PTBP2: variants seen among roughly 807,000 people sequenced by gnomAD.
PTBP2 encodes polypyrimidine tract-binding protein 2.
PTBP2 carries 13 observed loss-of-function variants against 61.4 expected under a neutral mutation model. The observed-to-expected ratio is 0.21, with a 90% CI of 0.14 to 0.34. PTBP2 has a LOEUF of 0.34. Ranked by LOEUF, PTBP2 falls within the 10% of genes least tolerant of loss-of-function variation. The pLI is 1.00. For missense variants in PTBP2, 405 were observed against 642.6 expected, an observed-to-expected ratio of 0.63 and a Z score of 4.00; for synonymous variants, 215 against 218.5, an observed-to-expected ratio of 0.98 and a Z score of 0.14.
intron 8 of PTBP2, 52 bp from the exon 9 acceptor site, chr1:96,804,748 T>C: frequency 6.5e-7 from 1 of 1,542,826 alleles, no homozygotes; most frequent in African/African-American, 1.4e-5. Context: ...AAACGACTTG[T>C]GTGTGTTTCG....
chr1:96,762,294 C>T (rs1033599324), intron 3 of PTBP2, among the ~76,000 whole-genome samples: 1 of 148,700 alleles, frequency 6.7e-6, no homozygotes, highest in African/African-American at 2.6e-5. Flanking sequence ...CCTCACTTCC[C>T]AGTAGGGGCG....
At chr1:96,798,547 A>G (rs1020135434) in intron 8 of PTBP2, among the ~76,000 whole-genome samples, 4 of 152,220 alleles carry the variant, frequency 2.6e-5, no homozygotes, top group Admixed American at 2.6e-4. Context: ...ATTACTTTGG[A>G]TGGAACTTTT....
rs1037203897 is a variant in PTBP2 at position 96,746,071 on chromosome 1, C to A, written c.40-5354C>A. ...ACAGACTGAGACTCCATCTCAAAAA[C>A]AAACAAAAAAAAACAACAACAAAAA... On this transcript the variant is annotated intron_variant, in intron 2 of 13. Transcript: ENST00000674951. Among the ~76,000 whole-genome samples the A allele has an allele frequency of 3.9e-4, 56 of 144,854 alleles. 1 individual carries two copies. Among genetic ancestry groups the A allele is most frequent in the South Asian group, 3.0e-3 (14 of 4,614 alleles).
intron 8 of PTBP2, among the ~76,000 whole-genome samples, chr1:96,791,834 T>TGTTTTTTG (rs71590211): frequency 7.8e-5 from 10 of 128,810 alleles, no homozygotes; most frequent in East Asian, 2.3e-4. Context: ...TGCTTTTTTT[T>TGTTTTTTG]TTTTTTTTTT....
chr1:96,783,904 A>G (rs1346318243), intron 7 of PTBP2, among the ~76,000 whole-genome samples: 1 of 152,048 alleles, frequency 6.6e-6, no homozygotes, highest in Non-Finnish European at 1.5e-5. Flanking sequence ...ACTCTCTTTC[A>G]GTTTTTACCA....
At chr1:96,778,961 A>G (rs1217556172) in intron 7 of PTBP2, among the ~76,000 whole-genome samples, 3 of 152,048 alleles carry the variant, frequency 2.0e-5, no homozygotes, top group African/African-American at 7.2e-5. Flanking sequence ...ATTTTTTCTG[A>G]CCACTACTCT....
At chr1:96,760,452 T>C in intron 3 of PTBP2, among the ~76,000 whole-genome samples, 1 of 142,672 alleles carries the variant, frequency 7.0e-6, no homozygotes, top group South Asian at 2.3e-4. Context: ...TTTTTTTTTT[T>C]TTTTTTTTTT....
rs572205829 is a variant in PTBP2 at position 96,764,332 on chromosome 1, A to T, written c.116-5371A>T. On this transcript the variant is annotated intron_variant, in intron 3 of 13. Coordinates refer to ENST00000674951, the MANE Select transcript of PTBP2 (RefSeq NM_021190.4). ...TAAAAGTGAAATATTTCAAAAATAC[A>T]ACTGTTCCTAAGTAGCATTAGAATT... 8.5e-5 allele frequency among the ~76,000 whole-genome samples: 13 copies of T among 152,332 alleles called. No homozygotes were observed. The East Asian group carries it at 2.5e-3, about 29-fold the overall frequency.
downstream of PTBP2, chr1:96,818,400 A>G (rs955535381): frequency 1.3e-5 from 2 of 152,000 alleles, no homozygotes; most frequent in East Asian, 3.8e-4. Flanking sequence ...CAGATCCCAG[A>G]TATATTTTAT....
intron 7 of PTBP2, among the ~76,000 whole-genome samples, chr1:96,780,110 C>T (rs769470041): frequency 2.0e-5 from 3 of 152,020 alleles, no homozygotes; most frequent in Non-Finnish European, 4.4e-5. Context: ...CTAATACTCA[C>T]ACTTGTCTTT....
At chr1:96,780,820 A>G (rs1301451553) in intron 7 of PTBP2, among the ~76,000 whole-genome samples, 12 of 152,050 alleles carry the variant, frequency 7.9e-5, no homozygotes, top group Admixed American at 4.6e-4. Context: ...AGTGTGTTCA[A>G]TCTAGCTCCT....
Position 96,739,194 on chromosome 1 carries a change from A to G in PTBP2, c.40-12231A>G, listed in dbSNP as rs189227029. On this transcript the variant is annotated intron_variant, in intron 2 of 13. Transcript: ENST00000674951. ...TTCCACATTTTAAGTATTTTATGAT[A>G]AAGTTATTAATATTGATAAAGTTAT... Among the ~76,000 whole-genome samples the G allele has an allele frequency of 4.9e-4, 75 of 152,222 alleles. 1 individual carries two copies. Among genetic ancestry groups the G allele is most frequent in the South Asian group, 4.1e-3 (20 of 4,828 alleles).
At chr1:96,748,662 T>G (rs1208558412) in intron 2 of PTBP2, among the ~76,000 whole-genome samples, 1 of 152,196 alleles carries the variant, frequency 6.6e-6, no homozygotes, top group African/African-American at 2.4e-5. Flanking sequence ...AATTAAAAAT[T>G]TTTTAAAGAG....
chr1:96,791,826 C>CTTTTTTTTGTTTTTTTTTTGTTTTTTT (rs1482989030), intron 8 of PTBP2, among the ~76,000 whole-genome samples: 9 of 66,126 alleles, frequency 1.4e-4, no homozygotes, highest in East Asian at 4.3e-4. Flanking sequence ...TGGAGTTGTG[C>CTTTTTTTTGTTTTTTTTTTGTTTTTTT]TTTTTTTTTT....
chr1:96,734,997 A>C (rs1651974725), intron 2 of PTBP2, among the ~76,000 whole-genome samples: 1 of 147,192 alleles, frequency 6.8e-6, no homozygotes, highest in African/African-American at 2.5e-5. Context: ...AGCTCAGTGC[A>C]ACCTCTGCCT....
intron 11 of PTBP2, among the ~76,000 whole-genome samples, chr1:96,807,590 C>T (rs997284188): frequency 2.0e-5 from 3 of 152,192 alleles, no homozygotes; most frequent in Non-Finnish European, 2.9e-5. Context: ...TCTTACATTT[C>T]TGTTCATTGA....
At chr1:96,779,568 G>C (rs1359172981) in intron 7 of PTBP2, among the ~76,000 whole-genome samples, 1 of 152,054 alleles carries the variant, frequency 6.6e-6, no homozygotes, top group African/African-American at 2.4e-5. Context: ...TCTGTGAACA[G>C]ATACTAAGCA....
intron 3 of PTBP2, among the ~76,000 whole-genome samples, chr1:96,763,123 G>C (rs900578580): frequency 6.6e-6 from 1 of 150,394 alleles, no homozygotes; most frequent in African/African-American, 2.5e-5. Context: ...GGCTCCTCAC[G>C]TTCCAGACGA....
chr1:96,779,151 G>A (rs1028960678), intron 7 of PTBP2, among the ~76,000 whole-genome samples: 1 of 151,874 alleles, frequency 6.6e-6, no homozygotes, highest in African/African-American at 2.4e-5. Context: ...TGTGCTTTCC[G>A]CTTCAGGCAT....
Sources: gnomAD v4.1 joint callset for allele counts (sites outside exome capture counted in the v4.1 genomes callset) on GRCh38, gnomAD v4.1.1 for gene constraint, MANE v1.5 for transcripts, NCBI Gene and HGNC (gene_info 2026-07-23, HGNC 2026-07-21) for gene names.